WWP2: variants seen among roughly 807,000 people sequenced by gnomAD.
WWP2 encodes NEDD4-like E3 ubiquitin-protein ligase WWP2.
A neutral mutation model predicts 121.0 loss-of-function variants in WWP2; 57 were observed. The observed-to-expected ratio is 0.47, with a 90% CI of 0.38 to 0.59. The LOEUF (loss-of-function observed/expected upper bound fraction) is 0.59, where lower values mean the gene tolerates loss of function less well. Among genes scored for constraint, WWP2 ranks in the 20% least tolerant of loss-of-function variants. The pLI is 0.00. For missense variants in WWP2, 962 were observed against 1,158.9 expected (o/e 0.83, Z 2.47); for synonymous variants, 449 against 441.3 (o/e 1.02, Z -0.22).
Position 69,800,657 on chromosome 16 carries a change from C to A in WWP2, c.340+1362C>A, listed in dbSNP as rs570543597. ...TCGGCTCACTGCAACCTCCGCCTCC[C>A]AGGTTCAAGCGATCCTACCACCTCA... On this transcript the variant is annotated intron_variant, in intron 4 of 23. Coordinates refer to ENST00000359154, the MANE Select transcript of WWP2 (RefSeq NM_001270454.2). 4.0e-5 allele frequency among the ~76,000 whole-genome samples: 6 copies of A among 151,312 alleles called. No homozygotes were observed. The East Asian group carries it at 9.9e-4, about 25-fold the overall frequency.
chr16:69,936,013 C>G (rs369576893), intron 18 of WWP2, 27 bp downstream of exon 18: 2 of 1,609,606 alleles, frequency 1.2e-6, no homozygotes, highest in South Asian at 1.1e-5. Context: ...CTTGCCCCAC[C>G]GCGCTGATAG....
intron 8 of WWP2, among the ~76,000 whole-genome samples, chr16:69,893,266 C>G (rs2058057424): frequency 6.6e-6 from 1 of 152,226 alleles, no homozygotes; most frequent in African/African-American, 2.4e-5. Flanking sequence ...TTCTGCCTCT[C>G]TGCTATTCTT....
At chr16:69,818,879 T>G (rs775354631) in intron 4 of WWP2, among the ~76,000 whole-genome samples, 3 of 152,152 alleles carry the variant, frequency 2.0e-5, no homozygotes. Flanking sequence ...TGCTTTAAAT[T>G]TGGCCTATAT....
chr16:69,849,723 G>T (rs527238328), intron 6 of WWP2, among the ~76,000 whole-genome samples: 1 of 152,060 alleles, frequency 6.6e-6, no homozygotes, highest in Non-Finnish European at 1.5e-5. Context: ...CAGAAGGATC[G>T]CTTGAGGCCA....
chr16:69,844,992 C>T (rs2057043438), intron 6 of WWP2, among the ~76,000 whole-genome samples: 1 of 152,318 alleles, frequency 6.6e-6, no homozygotes, highest in East Asian at 1.9e-4. Context: ...TGCACACATG[C>T]TTATGACTGT....
chr16:69,850,056 C>T (rs576460605), intron 6 of WWP2, among the ~76,000 whole-genome samples: 1 of 152,228 alleles, frequency 6.6e-6, no homozygotes, highest in East Asian at 1.9e-4. Flanking sequence ...ACTTGATATA[C>T]ATGAATGCCA....
chr16:69,817,636 C>G (rs2056518811), intron 4 of WWP2, among the ~76,000 whole-genome samples: 1 of 141,630 alleles, frequency 7.1e-6, no homozygotes, highest in Admixed American at 7.0e-5. Context: ...TTTACAATTA[C>G]TAGCAGCACT....
At chr16:69,882,145 G>A (rs978042324) in intron 7 of WWP2, among the ~76,000 whole-genome samples, 11 of 146,416 alleles carry the variant, frequency 7.5e-5, no homozygotes, top group South Asian at 2.2e-4. Context: ...TAGTAGAGAC[G>A]GGGTTTCACC....
At chr16:69,900,232 A>G (rs1446721407) in intron 8 of WWP2, among the ~76,000 whole-genome samples, 1 of 152,164 alleles carries the variant, frequency 6.6e-6, no homozygotes, top group East Asian at 1.9e-4. Context: ...TTTTGGCCAA[A>G]TTGCCCTTTG....
intron 4 of WWP2, among the ~76,000 whole-genome samples, chr16:69,806,166 A>G (rs1013439016): frequency 6.6e-6 from 1 of 152,166 alleles, no homozygotes; most frequent in Non-Finnish European, 1.5e-5. Context: ...GTGCCAGTGC[A>G]CTCTAGGCTG....
intron 1 of WWP2, among the ~76,000 whole-genome samples, chr16:69,772,658 AGTG>A (rs1176792720): frequency 2.0e-5 from 3 of 152,144 alleles, no homozygotes; most frequent in South Asian, 2.1e-4. Context: ...TTTCTAGAAA[AGTG>A]GTAACTTCTG....
chr16:69,887,164 C>G (rs2057940084), intron 7 of WWP2, among the ~76,000 whole-genome samples: 1 of 152,120 alleles, frequency 6.6e-6, no homozygotes, highest in African/African-American at 2.4e-5. Flanking sequence ...TAGTGTGTTT[C>G]ACTTCTGTCT....
chr16:69,912,545 C>T (rs1256703253), intron 9 of WWP2, among the ~76,000 whole-genome samples: 1 of 152,016 alleles, frequency 6.6e-6, no homozygotes, highest in Non-Finnish European at 1.5e-5. Flanking sequence ...CTCCATTCCC[C>T]AGGCTGAAAA....
intron 4 of WWP2, among the ~76,000 whole-genome samples, chr16:69,823,902 G>A (rs1034872450): frequency 3.3e-5 from 5 of 152,336 alleles, no homozygotes; most frequent in Admixed American, 1.3e-4. Flanking sequence ...GCACAGGGGC[G>A]TTGGGCCATC....
intron 8 of WWP2, among the ~76,000 whole-genome samples, chr16:69,892,686 A>G (rs1001014397): frequency 6.6e-6 from 1 of 152,100 alleles, no homozygotes; most frequent in African/African-American, 2.4e-5. Context: ...GGTGCCTGCC[A>G]CCACACCCAG....
chr16:69,869,348 CCTT>C (rs1037890081), intron 6 of WWP2, among the ~76,000 whole-genome samples: 5 of 148,182 alleles, frequency 3.4e-5, no homozygotes, highest in Non-Finnish European at 7.4e-5. Flanking sequence ...CCCTTTTTCT[CCTT>C]TTTTTTTTTT....
At chr16:69,812,901 C>T (rs189806781) in intron 4 of WWP2, among the ~76,000 whole-genome samples, 134 of 152,192 alleles carry the variant, frequency 8.8e-4, no homozygotes, top group Middle Eastern at 6.8e-3. Flanking sequence ...TTATAATTTA[C>T]GGGGAGGTAC....
At chr16:69,782,793 C>T (rs939096720) in intron 1 of WWP2, among the ~76,000 whole-genome samples, 4 of 152,152 alleles carry the variant, frequency 2.6e-5, no homozygotes, top group Non-Finnish European at 5.9e-5. Flanking sequence ...TGGAAAATGT[C>T]AACATCATTG....
chr16:69,825,629 T>C (rs1464439596), intron 4 of WWP2, among the ~76,000 whole-genome samples: 2 of 150,670 alleles, frequency 1.3e-5, no homozygotes, highest in Admixed American at 6.6e-5. Context: ...TTTTTTTTTT[T>C]GGTTTTTTTT....
Sources: gnomAD v4.1 joint callset for allele counts (sites outside exome capture counted in the v4.1 genomes callset) on GRCh38, gnomAD v4.1.1 for gene constraint, MANE v1.5 for transcripts, NCBI Gene and HGNC (gene_info 2026-07-23, HGNC 2026-07-21) for gene names.